Variants in KIAA1217 observed in about 807,000 individuals in gnomAD.
KIAA1217 encodes sickle tail protein homolog.
A neutral mutation model predicts 163.9 loss-of-function variants in KIAA1217; 88 were observed. The ratio of observed to expected loss-of-function variants is 0.54; its 90% CI spans 0.45 to 0.64. KIAA1217 has a LOEUF of 0.64. KIAA1217 is among the 30% of genes least tolerant of loss of function. KIAA1217 has a pLI of 0.00. For missense variants in KIAA1217, 2,372 were observed against 2,475.0 expected (o/e 0.96, Z 0.88); for synonymous variants, 903 against 923.1 (o/e 0.98, Z 0.39).
At chr10:24,376,970 G>A (rs914694264) in intron 2 of KIAA1217, among the ~76,000 whole-genome samples, 13 of 152,162 alleles carry the variant, frequency 8.5e-5, no homozygotes, top group African/African-American at 3.1e-4. Context: ...AGAGCAGCAG[G>A]CACCTGTTAT....
At chr10:24,226,412 G>A (rs1187252332) in intron 2 of KIAA1217, among the ~76,000 whole-genome samples, 1 of 151,976 alleles carries the variant, frequency 6.6e-6, no homozygotes, top group Non-Finnish European at 1.5e-5. Context: ...AGATCACGAG[G>A]TCAGGAGATC....
At chr10:23,977,065 T>G (rs760308398) in intron 1 of KIAA1217, among the ~76,000 whole-genome samples, 1 of 152,188 alleles carries the variant, frequency 6.6e-6, no homozygotes, top group Non-Finnish European at 1.5e-5. Context: ...TTTTTATGTA[T>G]GTTTTACATT....
chr10:24,003,284 G>T (rs1230221832), intron 1 of KIAA1217, among the ~76,000 whole-genome samples: 5 of 152,154 alleles, frequency 3.3e-5, no homozygotes, highest in African/African-American at 7.2e-5. Context: ...CAGCATAAAA[G>T]TGTCCCCTTT....
At chr10:24,495,981 C>G (rs1564797987) in intron 8 of KIAA1217, among the ~76,000 whole-genome samples, 2 of 152,214 alleles carry the variant, frequency 1.3e-5, no homozygotes, top group African/African-American at 4.8e-5. Flanking sequence ...CAGTCTCAAG[C>G]CAGGCCTCTG....
intron 2 of KIAA1217, among the ~76,000 whole-genome samples, chr10:24,371,712 A>G (rs1353904830): frequency 3.3e-5 from 5 of 151,940 alleles, no homozygotes; most frequent in Admixed American, 1.3e-4. Flanking sequence ...TAAACCTAGA[A>G]TCCAATCATA....
intron 1 of KIAA1217, among the ~76,000 whole-genome samples, chr10:23,902,774 C>T (rs553311428): frequency 1.3e-5 from 2 of 152,192 alleles, no homozygotes; most frequent in South Asian, 4.1e-4. Context: ...GAGCTGGAGT[C>T]AATATGGTGG....
Position 24,433,067 on chromosome 10 carries a change from C to A in KIAA1217, c.626C>A (p.Thr209Lys). The A allele has an allele frequency of 6.2e-7, 1 of 1,614,116 alleles. No homozygotes were observed. Among genetic ancestry groups the A allele is most frequent in the Non-Finnish European group, 8.5e-7 (1 of 1,180,022 alleles). Residue 209 changes from threonine (T) to lysine (K), a missense_variant, in exon 4 of 21, where the codon ACA becomes AAA. Around this residue, in one of 3 missense-constraint regions of KIAA1217, gnomAD observed 1,431 missense variants for 1,470.3 expected, o/e 0.97. Coordinates refer to ENST00000376454, the MANE Select transcript of KIAA1217 (RefSeq NM_019590.5). Reference sequence around the variant, plus strand: ...CCGAATGAAATCACAAGTGCAGACACAATCCGTGCTCTCTTCGTAAGTGCC... The same window carrying A: ...CCGAATGAAATCACAAGTGCAGACAAAATCCGTGCTCTCTTCGTAAGTGCC... ...RMPNEITSAD[T>K]IRALFVSAFP...
At chr10:24,536,041 G>A (rs2073958743) in intron 16 of KIAA1217, among the ~76,000 whole-genome samples, 1 of 151,996 alleles carries the variant, frequency 6.6e-6, no homozygotes, top group Non-Finnish European at 1.5e-5. Flanking sequence ...ATATTATCTG[G>A]GCATTGCCCA....
chr10:24,035,317 C>T (rs1261417483), intron 2 of KIAA1217, among the ~76,000 whole-genome samples: 2 of 152,172 alleles, frequency 1.3e-5, no homozygotes, highest in Non-Finnish European at 2.9e-5. Flanking sequence ...ATGATCATTA[C>T]TATCTCAAGG....
chr10:24,401,058 T>G (rs775904043), intron 3 of KIAA1217, among the ~76,000 whole-genome samples: 1 of 149,246 alleles, frequency 6.7e-6, no homozygotes, highest in African/African-American at 2.5e-5. Flanking sequence ...TAAAAGCAGC[T>G]GGAGAGAAAT....
intron 6 of KIAA1217, among the ~76,000 whole-genome samples, chr10:24,478,817 T>C (rs2064324960): frequency 6.6e-6 from 1 of 152,258 alleles, no homozygotes; most frequent in Admixed American, 6.5e-5. Flanking sequence ...TATGTTTTGC[T>C]ATTTTCTATT....
intron 2 of KIAA1217, among the ~76,000 whole-genome samples, chr10:24,288,760 TGAGCACAGCGTGTGTAG>T (rs2078806872): frequency 6.6e-6 from 1 of 152,188 alleles, no homozygotes. Context: ...CAGAGTTTAA[TGAGCACAGCGTGTGTAG>T]GGGACATGCT....
At chr10:24,254,667 T>C (rs1424702678) in intron 2 of KIAA1217, among the ~76,000 whole-genome samples, 1 of 152,214 alleles carries the variant, frequency 6.6e-6, no homozygotes, top group Non-Finnish European at 1.5e-5. Context: ...ATGAAACAAT[T>C]TGACCAAACA....
Position 24,102,903 on chromosome 10 carries a change from C to T in KIAA1217, c.-171+95529C>T, listed in dbSNP as rs114314796. On this transcript the variant is annotated intron_variant, in intron 2 of 18. Coordinates refer to the KIAA1217 transcript ENST00000376462. ...GTGGGAGGTAATTGAATCATGGGAG[C>T]GGGTTTTTCCCGTACTGTGCTCAGG... Among the ~76,000 whole-genome samples the T allele has an allele frequency of 4.3e-3, 649 of 152,212 alleles. 3 individuals carry two copies. Among genetic ancestry groups the T allele is most frequent in the East Asian group, 0.032 (164 of 5,166 alleles).
chr10:23,925,649 T>C (rs933962165), intron 1 of KIAA1217, among the ~76,000 whole-genome samples: 2 of 152,208 alleles, frequency 1.3e-5, no homozygotes, highest in African/African-American at 4.8e-5. Context: ...TAATCATCCT[T>C]CAGGACTTGC....
chr10:23,965,604 G>A (rs1450281471), intron 1 of KIAA1217, among the ~76,000 whole-genome samples: 2 of 152,192 alleles, frequency 1.3e-5, no homozygotes, highest in African/African-American at 4.8e-5. Flanking sequence ...GAAACAAAAC[G>A]TTGCCATCTC....
intron 1 of KIAA1217, among the ~76,000 whole-genome samples, chr10:23,989,285 A>AG (rs1262356943): frequency 6.6e-6 from 1 of 152,248 alleles, no homozygotes; most frequent in Non-Finnish European, 1.5e-5. Context: ...AAAAGAAAAA[A>AG]GCACACAAAT....
intron 13 of KIAA1217, among the ~76,000 whole-genome samples, chr10:24,527,514 T>A (rs1341803558): frequency 6.8e-6 from 1 of 146,602 alleles, no homozygotes; most frequent in South Asian, 2.2e-4. Context: ...AAAAAAAAAA[T>A]TAGCCATGTG....
At chr10:24,031,022 A>AT (rs1266752649) in intron 2 of KIAA1217, among the ~76,000 whole-genome samples, 8 of 152,062 alleles carry the variant, frequency 5.3e-5, no homozygotes, top group Non-Finnish European at 8.8e-5. Flanking sequence ...CTTTGCTTTC[A>AT]TTTTTTGGGG....
Sources: gnomAD v4.1 joint callset for allele counts (sites outside exome capture counted in the v4.1 genomes callset) on GRCh38, gnomAD v4.1.1 for gene constraint, gnomAD v4.1.1 regional missense constraint, MANE v1.5 for transcripts, NCBI Gene and HGNC (gene_info 2026-07-23, HGNC 2026-07-21) for gene names.